Variants in CHST9 observed in about 807,000 individuals in gnomAD.
The protein encoded by CHST9 is GalNAc-4-sulfotransferase 2.
Under a neutral mutation model 44.4 loss-of-function variants are expected in CHST9, and 41 were observed. The ratio of observed to expected loss-of-function variants is 0.92; its 90% confidence interval spans 0.72 to 1.20. The LOEUF is 1.20. Ranked by LOEUF, CHST9 falls within the 50% of genes most tolerant of loss-of-function variation. The pLI is 0.00. For missense variants in CHST9, 504 were observed against 516.5 expected (o/e 0.98, Z 0.23); for synonymous variants, 171 against 178.4 (o/e 0.96, Z 0.33).
At chr18:27,100,023 A>G (rs1387241015) in intron 2 of CHST9, among the ~76,000 whole-genome samples, 1 of 6,132 alleles carries the variant, frequency 1.6e-4, no homozygotes, top group Non-Finnish European at 3.1e-4. Flanking sequence ...ATATAATGAT[A>G]TATATATATA....
rs575334549 is a variant in CHST9, at chr18:26,908,132, A to T, written c.*8127T>A. On this transcript the variant is annotated 3_prime_UTR_variant, in exon 6 of 6. Transcript: ENST00000618847. ...TGCTGCTGAACTGTACACTTAAAAA[A>T]TGGTGGCAAGGCATGGTGGCTCATG... 6.6e-6 allele frequency: 1 copy of T among 152,422 alleles called. No homozygotes were observed. Among genetic ancestry groups the T allele is most frequent in the Admixed American group, 6.5e-5 (1 of 15,276 alleles). 9.4% of individuals were successfully genotyped at this position (152,422 alleles called of 1,614,324 possible).
chr18:27,084,334 G>A (rs898445235), intron 2 of CHST9, among the ~76,000 whole-genome samples: 2 of 151,640 alleles, frequency 1.3e-5, no homozygotes, highest in Admixed American at 1.3e-4. Context: ...ACTCATTATT[G>A]GTCTGTCCAG....
chr18:26,911,114 T>A lies in CHST9; in HGVS notation c.*5145A>T, dbSNP rs576473478. The A allele has an allele frequency of 6.6e-6, 1 of 152,334 alleles. No individual in the cohort carries two copies. The highest frequency in any genetic ancestry group is 2.1e-4 in the South Asian group (1 of 4,826). 9.4% of individuals were successfully genotyped at this position (152,334 alleles called of 1,614,324 possible). On this transcript the variant is annotated 3_prime_UTR_variant, in exon 6 of 6. Transcript: ENST00000618847. ...CCTGCTCTAGCACCTTCCTTTCAGA[T>A]CCTCTGGTCCTATAGATGCCTGAAG...
chr18:27,091,287 A>T (rs934604016), intron 2 of CHST9, among the ~76,000 whole-genome samples: 40 of 152,150 alleles, frequency 2.6e-4, no homozygotes, highest in African/African-American at 8.4e-4. Context: ...ATTTTTGCAC[A>T]TTGATTTTGT....
chr18:27,092,703 A>G (rs1301599002), intron 2 of CHST9, among the ~76,000 whole-genome samples: 2 of 152,246 alleles, frequency 1.3e-5, no homozygotes, highest in East Asian at 3.9e-4. Flanking sequence ...TTCATTATGT[A>G]CCCAGTAGTC....
chr18:27,090,046 C>G (rs1452917708), intron 2 of CHST9, among the ~76,000 whole-genome samples: 1 of 152,122 alleles, frequency 6.6e-6, no homozygotes, highest in African/African-American at 2.4e-5. Flanking sequence ...CTCCTGACCT[C>G]TTGATCCTCC....
chr18:27,016,930 C>A (rs1356383960), intron 4 of CHST9, among the ~76,000 whole-genome samples: 1 of 152,098 alleles, frequency 6.6e-6, no homozygotes, highest in Admixed American at 6.6e-5. Context: ...GGATAAAGAA[C>A]AGAAATCATA....
intron 2 of CHST9, among the ~76,000 whole-genome samples, chr18:27,069,796 C>T (rs12455925): frequency 0.24 from 36,860 of 151,976 alleles, 5,213 homozygotes; most frequent in African/African-American, 0.38. Context: ...GCTACCTAAA[C>T]TGAATTGAGC....
chr18:26,993,415 A>G (rs965291669), intron 4 of CHST9, among the ~76,000 whole-genome samples: 1 of 152,208 alleles, frequency 6.6e-6, no homozygotes, highest in African/African-American at 2.4e-5. Flanking sequence ...TAGTAAACTA[A>G]TGTTGATGAC....
chr18:26,963,575 A>T (rs1294455351), intron 4 of CHST9, among the ~76,000 whole-genome samples: 1 of 72,584 alleles, frequency 1.4e-5, no homozygotes, highest in Non-Finnish European at 2.5e-5. Flanking sequence ...AGGAGTATTA[A>T]AAAAAAAAAA....
intron 2 of CHST9, among the ~76,000 whole-genome samples, chr18:27,125,185 A>G (rs965519796): frequency 1.3e-5 from 2 of 152,236 alleles, no homozygotes; most frequent in African/African-American, 4.8e-5. Context: ...CCAATTTTTA[A>G]GTATATTTCA....
At chr18:26,921,263 C>A (rs1400748597) in intron 5 of CHST9, among the ~76,000 whole-genome samples, 1 of 152,132 alleles carries the variant, frequency 6.6e-6, no homozygotes, top group Non-Finnish European at 1.5e-5. Flanking sequence ...TTTCTCGTTG[C>A]TGGAAGTCTT....
At chr18:27,090,959 T>C (rs894846366) in intron 2 of CHST9, among the ~76,000 whole-genome samples, 3 of 152,316 alleles carry the variant, frequency 2.0e-5, no homozygotes, top group Middle Eastern at 6.8e-3. Flanking sequence ...AACTTTAATG[T>C]AGTTTTTTTC....
At chr18:27,184,862 G>A (rs2058943200) in intron 1 of CHST9, among the ~76,000 whole-genome samples, 1 of 152,142 alleles carries the variant, frequency 6.6e-6, no homozygotes, top group African/African-American at 2.4e-5. Context: ...TCCTTCTCCA[G>A]CGCCCCCTCA....
chr18:27,122,013 C>T (rs1293814650), intron 2 of CHST9, among the ~76,000 whole-genome samples: 2 of 152,134 alleles, frequency 1.3e-5, no homozygotes, highest in African/African-American at 2.4e-5. Flanking sequence ...GTGTTTGAAG[C>T]TCGTGAGAGG....
At chr18:27,016,581 T>G (rs2057157219) in intron 4 of CHST9, among the ~76,000 whole-genome samples, 1 of 152,202 alleles carries the variant, frequency 6.6e-6, no homozygotes. Flanking sequence ...GTCAGGTACC[T>G]GGACGTTTGC....
At chr18:27,068,569 T>C (rs2057806372) in intron 2 of CHST9, among the ~76,000 whole-genome samples, 1 of 152,226 alleles carries the variant, frequency 6.6e-6, no homozygotes, top group Admixed American at 6.5e-5. Flanking sequence ...GTAATTTGCA[T>C]TTGCTCCTGA....
chr18:26,916,126 G>T lies in CHST9; in HGVS notation c.*133C>A. The T allele has an allele frequency of 1.4e-6, 1 of 737,276 alleles. No homozygotes were observed. The highest frequency in any genetic ancestry group is 2.2e-6 in the Non-Finnish European group (1 of 458,134). The allele number at this position is 737,276 out of a possible 1,614,324, so 45.7% of individuals were successfully genotyped here. ...GTGCCAATTGGTGTCATACTATTTG[G>T]TAAAAATCTACATTAAATCAAGACA... is the stretch of plus-strand genomic sequence containing the variant. On this transcript the variant is annotated 3_prime_UTR_variant, in exon 6 of 6. Transcript: ENST00000618847.
At chr18:27,157,358 A>G (rs8096346) in intron 1 of CHST9, among the ~76,000 whole-genome samples, 48,338 of 152,000 alleles carry the variant, frequency 0.32, 8,322 homozygotes, top group Non-Finnish European at 0.39. Context: ...TGAAATTAAT[A>G]TGATTTGTTT....
Sources: gnomAD v4.1 joint callset for allele counts (sites outside exome capture counted in the v4.1 genomes callset) on GRCh38, gnomAD v4.1.1 for gene constraint, MANE v1.5 for transcripts, NCBI Gene and HGNC (gene_info 2026-07-23, HGNC 2026-07-21) for gene names.